The following ZC3H11A variants were observed in gnomAD, a reference collection of about 807,000 sequenced individuals.
The protein encoded by ZC3H11A is zinc finger CCCH domain-containing protein 11A.
In ZC3H11A, 22 loss-of-function variants were observed where a neutral mutation model predicts 90.8. That is an observed-to-expected ratio of 0.24 (90% CI 0.17 to 0.35). The LOEUF is 0.35. ZC3H11A is among the 10% of genes least tolerant of loss of function. The probability of loss-of-function intolerance (pLI) is 1.00; values close to 1 mark genes in which losing one functional copy is unlikely to be tolerated. For missense variants in ZC3H11A, 701 were observed against 964.9 expected, an observed-to-expected ratio of 0.73 and a Z score of 3.62; for synonymous variants, 294 against 339.8, an observed-to-expected ratio of 0.87 and a Z score of 1.48.
chr1:203,818,782 T>C (rs1677216351), intron 4 of ZC3H11A, 93 bp downstream of exon 4: 4 of 1,580,886 alleles, frequency 2.5e-6, no homozygotes, highest in Admixed American at 3.5e-5. Flanking sequence ...TTAAAAAATA[T>C]ATTAAGGCTG....
At chr1:203,807,399 C>T (rs778716506) in intron 2 of ZC3H11A, among the ~76,000 whole-genome samples, 3 of 151,736 alleles carry the variant, frequency 2.0e-5, no homozygotes, top group Non-Finnish European at 4.4e-5. Context: ...CTTCCTCCAG[C>T]GTCAGCCCCC....
intron 4 of ZC3H11A, among the ~76,000 whole-genome samples, chr1:203,824,639 CTGTAAACA>C (rs71145034): frequency 0.13 from 19,840 of 152,108 alleles, 1,440 homozygotes; most frequent in Non-Finnish European, 0.15. Context: ...CCTTCTGATA[CTGTAAACA>C]AGTGTCCTTT....
chr1:203,825,700 C>T (rs1382996366), intron 4 of ZC3H11A, among the ~76,000 whole-genome samples: 2 of 152,100 alleles, frequency 1.3e-5, no homozygotes, highest in Admixed American at 6.5e-5. Flanking sequence ...GTTGAGATTA[C>T]AGGCGTGAGC....
At chr1:203,834,471 C>T (rs1266132051) in intron 10 of ZC3H11A, among the ~76,000 whole-genome samples, 1 of 152,008 alleles carries the variant, frequency 6.6e-6, no homozygotes, top group African/African-American at 2.4e-5. Context: ...AGGGTTTCAC[C>T]ATGTTGCCCA....
In ZC3H11A at chr1:203,851,615, C is replaced by T. The variant is rs775132422; in HGVS notation, c.2174+491C>T. On this transcript the variant is annotated intron_variant, in intron 17 of 17. Transcript: ENST00000367210. ...AAAGTGCTGGGATTACAGGCATGAG[C>T]TACCATGCCCGGCCCCTGAAAGATG... Among the ~76,000 whole-genome samples, 3 of 152,288 alleles carry T rather than the reference C, an allele frequency of 2.0e-5. No homozygotes were observed. In the East Asian group the frequency reaches 5.8e-4, roughly 29 times the overall value.
intron 12 of ZC3H11A, among the ~76,000 whole-genome samples, chr1:203,845,070 A>G (rs1304313812): frequency 2.0e-5 from 3 of 152,046 alleles, no homozygotes. Flanking sequence ...CCCAAGTTTG[A>G]CAGTTTCCTT....
intron 4 of ZC3H11A, among the ~76,000 whole-genome samples, chr1:203,827,698 TA>T (rs1681027633): frequency 1.3e-5 from 2 of 149,772 alleles, no homozygotes; most frequent in Admixed American, 1.3e-4. Flanking sequence ...AAAAAAAAAG[TA>T]AGGTGACTTG....
chr1:203,842,334 C>T (rs1255386194), intron 12 of ZC3H11A, among the ~76,000 whole-genome samples: 2 of 152,202 alleles, frequency 1.3e-5, no homozygotes, highest in Non-Finnish European at 2.9e-5. Context: ...AGCGAGACTC[C>T]GTCTGCAATC....
intron 7 of ZC3H11A, 32 bp from the exon 8 acceptor site, chr1:203,830,091 G>T (rs369807465): frequency 1.2e-5 from 19 of 1,535,566 alleles, no homozygotes; most frequent in Non-Finnish European, 1.7e-5. Flanking sequence ...AAAGGCTCCC[G>T]TTCCTCATAA....
chr1:203,837,944 A>G (rs770068302), intron 10 of ZC3H11A, 22 bp from the exon 11 acceptor site: 1 of 1,599,570 alleles, frequency 6.3e-7, no homozygotes, highest in Admixed American at 1.8e-5. Flanking sequence ...GAAATCTTAA[A>G]CTAAGTTCTC....
intron 15 of ZC3H11A, 49 bp downstream of exon 15, chr1:203,850,075 A>G (rs11240605): frequency 0.14 from 213,443 of 1,566,390 alleles, 15,499 homozygotes; most frequent in Non-Finnish European, 0.15. Context: ...AAATTACCAA[A>G]TTCAACCCAA....
intron 1 of ZC3H11A, chr1:203,798,973 T>C: frequency 6.5e-7 from 1 of 1,536,130 alleles, no homozygotes; most frequent in African/African-American, 1.4e-5. Flanking sequence ...CACCTGACTG[T>C]TGACATATGG....
chr1:203,797,811 G>C, intron 1 of ZC3H11A: 2 of 1,536,096 alleles, frequency 1.3e-6, no homozygotes, highest in Non-Finnish European at 1.7e-6. Context: ...GCCTGTTGCA[G>C]ATGCCCCTGC....
chr1:203,819,087 TATAC>T (rs1251706732), intron 4 of ZC3H11A, among the ~76,000 whole-genome samples: 15 of 41,464 alleles, frequency 3.6e-4, no homozygotes, highest in African/African-American at 7.3e-4. Context: ...AATATATATA[TATAC>T]ACACACACAC....
chr1:203,853,606 A>T lies in ZC3H11A; in HGVS notation c.*1207A>T, dbSNP rs1304333349. 1 of 152,692 alleles carries T rather than the reference A, an allele frequency of 6.5e-6. No individual in the cohort carries two copies. The highest frequency in any genetic ancestry group is 1.5e-5 in the Non-Finnish European group (1 of 68,054). 9.5% of individuals were successfully genotyped at this position (152,692 alleles called of 1,614,324 possible). On this transcript the variant is annotated 3_prime_UTR_variant, in exon 18 of 18. Transcript: ENST00000367210. ...CTTACCCATTTTGATATTTTGCTGT[A>T]GGTGGCCAGTTTTGTTTCTCATAGG...
rs991871020 is a variant in ZC3H11A at position 203,820,484 on chromosome 1, A to G, written c.174+1795A>G. Among the ~76,000 whole-genome samples, 301 of 96,260 alleles carry G rather than the reference A, an allele frequency of 3.1e-3. 1 individual carries two copies. The highest frequency in any genetic ancestry group is 7.0e-3 in the African/African-American group (212 of 30,390). The allele number at this position is 96,260 out of a possible 152,430, so 63.2% of individuals were successfully genotyped here. ...TCACAAATTATGTGTGTGTGTGTGT[A>G]TATTTTGAGTTGAGACAGAGTCTCG... On this transcript the variant is annotated intron_variant, in intron 4 of 17. Coordinates refer to ENST00000367210, the MANE Select transcript of ZC3H11A (RefSeq NM_001376342.1).
chr1:203,829,253 A>T, intron 5 of ZC3H11A, 198 bp from the exon 6 acceptor site: 1 of 608,986 alleles, frequency 1.6e-6, no homozygotes, highest in Non-Finnish European at 2.9e-6. Flanking sequence ...GTGTTTATGT[A>T]CAGTGGAGAG....
rs149976679 is a variant in ZC3H11A, at chr1:203,830,200, G to A, written c.697G>A (p.Gly233Ser). The part of the protein sequence containing the change: ...KKMKEKSKKQ[G>S]EGSSGVSSLL... Reference sequence around the variant, plus strand: ...AATGAAGGAAAAATCTAAGAAGCAAGGTGGTAAGTCATCACGTTTTGGCAT... The same window carrying A: ...AATGAAGGAAAAATCTAAGAAGCAAAGTGGTAAGTCATCACGTTTTGGCAT... The change falls in exon 8 of 18, where the codon GGT (glycine) becomes AGT (serine). Residue 233 changes from glycine to serine, a missense_variant. Gly to Ser is a moderately conservative substitution (Grantham distance 56, BLOSUM62 0). Around this residue, in one of 4 missense-constraint regions of ZC3H11A, gnomAD observed 530 missense variants for 696.2 expected, o/e 0.76. Coordinates refer to ENST00000367210, the MANE Select transcript of ZC3H11A (RefSeq NM_001376342.1). 7 of 1,599,066 alleles carry A rather than the reference G, an allele frequency of 4.4e-6. No homozygotes were observed. The highest frequency in any genetic ancestry group is 2.7e-5 in the African/African-American group (2 of 73,720).
rs1057084790 is a variant in ZC3H11A, at chr1:203,802,833, A to C, written c.-329A>C. 6.6e-6 allele frequency: 1 copy of C among 151,716 alleles called. No homozygotes were observed. Among genetic ancestry groups the C allele is most frequent in the Non-Finnish European group, 1.5e-5 (1 of 67,928 alleles). The allele number at this position is 151,716 out of a possible 1,614,324, so 9.4% of individuals were successfully genotyped here. On this transcript the variant is annotated 5_prime_UTR_variant, in exon 2 of 18. It removes an upstream start codon present in the reference 5' UTR. Coordinates refer to ENST00000367210, the MANE Select transcript of ZC3H11A (RefSeq NM_001376342.1). ...GACTTAATCTCCCAGTAGTTGGGAG[A>C]TGTTTTAAAAACACATGCTGTGTTT...
Sources: gnomAD v4.1 joint callset for allele counts (sites outside exome capture counted in the v4.1 genomes callset) on GRCh38, gnomAD v4.1.1 for gene constraint, gnomAD v4.1.1 regional missense constraint, MANE v1.5 for transcripts, NCBI Gene and HGNC (gene_info 2026-07-23, HGNC 2026-07-21) for gene names.